Variants in TAF3 observed in about 807,000 individuals in gnomAD.
TAF3 encodes the protein TATA-box binding protein associated factor 3.
In TAF3, 7 loss-of-function variants were observed where a neutral mutation model predicts 80.6. The observed-to-expected ratio is 0.09, with a 90% CI of 0.05 to 0.16. TAF3 has a LOEUF of 0.16. TAF3 is among the 10% of genes least tolerant of loss of function. The pLI is 1.00. For missense variants in TAF3, 921 were observed against 1,140.2 expected, an observed-to-expected ratio of 0.81 and a Z score of 2.77; for synonymous variants, 444 against 446.1, an observed-to-expected ratio of 1.00 and a Z score of 0.06.
At chr10:7,941,419 A>T (rs540495379) in intron 2 of TAF3, among the ~76,000 whole-genome samples, 99 of 152,370 alleles carry the variant, frequency 6.5e-4, no homozygotes, top group African/African-American at 2.3e-3. Context: ...TTGTAACTGC[A>T]CATGAGGATG....
chr10:7,936,516 A>G (rs1462225241), intron 2 of TAF3, among the ~76,000 whole-genome samples: 3 of 151,186 alleles, frequency 2.0e-5, no homozygotes, highest in Non-Finnish European at 4.4e-5. Context: ...TTTTTTCTTA[A>G]TAGACTTTAT....
chr10:7,954,047 A>G (rs1174996909), intron 2 of TAF3, among the ~76,000 whole-genome samples: 2 of 141,810 alleles, frequency 1.4e-5, no homozygotes, highest in Non-Finnish European at 3.1e-5. Context: ...AGTGCACTCC[A>G]TAGGCGAATG....
chr10:7,818,633 CG>C lies in TAF3; in HGVS notation c.-73del. 1 of 1,498,278 alleles carries C rather than the reference CG, an allele frequency of 6.7e-7. No individual in the cohort carries two copies. The allele number at this position is 1,498,278 out of a possible 1,614,324, so 92.8% of individuals were successfully genotyped here. The stretch of plus-strand genomic sequence containing the variant: ...GCCGCGGAAGCCCTAGAGGATGAAT[CG>C]GGGACCCTGCTAAGGTCTGGCGGCG... On this transcript the variant is annotated 5_prime_UTR_variant, in exon 1 of 7. The change abolishes the stop of an existing upstream ORF in the 5' untranslated region. Transcript: ENST00000344293.
chr10:7,880,274 C>G (rs1837348246), intron 2 of TAF3, among the ~76,000 whole-genome samples: 2 of 152,130 alleles, frequency 1.3e-5, no homozygotes. Context: ...TAACTTACTC[C>G]TTAGACTTTT....
At chr10:8,013,676 TTTG>T in intron 5 of TAF3, 52 bp from the exon 6 acceptor site, 2 of 1,452,482 alleles carry the variant, frequency 1.4e-6, no homozygotes, top group Non-Finnish European at 1.9e-6. Context: ...CTGGCCTCTT[TTTG>T]TTTTTTTTCC....
rs747068876 is a variant in TAF3, at chr10:8,009,099, T to C, written c.2337T>C (p.Pro779=). 4.4e-6 allele frequency: 7 copies of C among 1,601,186 alleles called. No homozygotes were observed. In the South Asian group the frequency reaches 6.6e-5, roughly 15 times the overall value. ...QDKIVISKVV[P]APEAKPAPSQ... ...ACAGTGTCATCAGCAAGGTGGTCCC[T>C]GCCCCCGAGGCCAAGCCGGCGCCCT... The change falls in exon 5 of 7, where the codon CCT becomes CCC. Residue 779 remains proline, a synonymous_variant. Coordinates refer to ENST00000344293, the MANE Select transcript of TAF3 (RefSeq NM_031923.4). The surrounding 1 kb of genome is among the most constrained non-coding windows in gnomAD (Gnocchi z 4.1).
intron 4 of TAF3, among the ~76,000 whole-genome samples, chr10:8,008,040 A>G (rs1359537732): frequency 1.3e-5 from 2 of 151,162 alleles, no homozygotes; most frequent in Non-Finnish European, 1.5e-5. Context: ...CCAGGACAGA[A>G]GCTGCCGCTG....
chr10:7,954,657 A>G lies in TAF3; in HGVS notation c.410-9263A>G, dbSNP rs1035774451. Reference sequence around the variant, plus strand: ...CATAGTGAGATTCAGAGTGCACTCCATATGTGAATGAGTGGATTAGTCCTA... The same window carrying G: ...CATAGTGAGATTCAGAGTGCACTCCGTATGTGAATGAGTGGATTAGTCCTA... On this transcript the variant is annotated intron_variant, in intron 2 of 6. Transcript: ENST00000344293. Among the ~76,000 whole-genome samples the G allele has an allele frequency of 2.1e-5, 3 of 140,074 alleles. No individual in the cohort carries two copies. In the Admixed American group the frequency reaches 2.2e-4, roughly 10 times the overall value. 91.9% of individuals were successfully genotyped at this position (140,074 alleles called of 152,430 possible).
At chr10:7,854,547 G>T (rs527529205) in intron 2 of TAF3, among the ~76,000 whole-genome samples, 2 of 152,076 alleles carry the variant, frequency 1.3e-5, no homozygotes, top group Middle Eastern at 6.8e-3. Flanking sequence ...ACTTCTGTGA[G>T]GTAAAGCAAC....
chr10:8,008,301 G>GT (rs1832017007), intron 4 of TAF3, among the ~76,000 whole-genome samples: 1 of 151,998 alleles, frequency 6.6e-6, no homozygotes, highest in Admixed American at 6.6e-5. Flanking sequence ...GTTTCACCAT[G>GT]TTGGCCAGGC....
chr10:7,997,184 G>C (rs1831898075), intron 4 of TAF3, among the ~76,000 whole-genome samples: 1 of 152,186 alleles, frequency 6.6e-6, no homozygotes, highest in Non-Finnish European at 1.5e-5. Context: ...AAAATTCATG[G>C]AAGTGGTTGC....
chr10:7,926,434 G>A (rs4749362), intron 2 of TAF3, among the ~76,000 whole-genome samples: 53,898 of 151,880 alleles, frequency 0.35, 10,670 homozygotes, highest in Admixed American at 0.48. Flanking sequence ...TATCTGATTA[G>A]GAAAAAGTAT....
At chr10:7,868,286 G>C (rs1231222690) in intron 2 of TAF3, among the ~76,000 whole-genome samples, 1 of 152,220 alleles carries the variant, frequency 6.6e-6, no homozygotes, top group Non-Finnish European at 1.5e-5. Flanking sequence ...CCATTCAGGA[G>C]TGGAGGCAGT....
chr10:7,952,346 C>T (rs775341310), intron 2 of TAF3, among the ~76,000 whole-genome samples: 3 of 152,034 alleles, frequency 2.0e-5, no homozygotes, highest in South Asian at 4.1e-4. Flanking sequence ...GAGTGATTAA[C>T]GATAGCAATT....
chr10:7,975,152 G>T, intron 3 of TAF3: 1 of 245,716 alleles, frequency 4.1e-6, no homozygotes, highest in Non-Finnish European at 8.2e-6. Context: ...ATAAGCAGAT[G>T]ATAGAGAAAG....
chr10:8,011,202 G>T (rs1832052473), intron 5 of TAF3, among the ~76,000 whole-genome samples: 1 of 152,062 alleles, frequency 6.6e-6, no homozygotes, highest in South Asian at 2.1e-4. Flanking sequence ...GGCTGGGTAG[G>T]ACTCATGGTA....
intron 4 of TAF3, among the ~76,000 whole-genome samples, chr10:8,000,230 C>T (rs1413324573): frequency 6.6e-6 from 1 of 152,002 alleles, no homozygotes; most frequent in Admixed American, 6.5e-5. Context: ...GATTCTCTAG[C>T]CTCAGCCTCC....
intron 2 of TAF3, among the ~76,000 whole-genome samples, chr10:7,902,587 G>A (rs1241973929): frequency 6.6e-6 from 1 of 152,148 alleles, no homozygotes; most frequent in Non-Finnish European, 1.5e-5. Context: ...GTTACATCAG[G>A]AGGCGTATAA....
intron 2 of TAF3, among the ~76,000 whole-genome samples, chr10:7,947,795 G>T (rs1838040193): frequency 6.6e-6 from 1 of 152,160 alleles, no homozygotes; most frequent in South Asian, 2.1e-4. Flanking sequence ...AGCACTGGAG[G>T]CTTTTGAGCA....
Sources: gnomAD v4.1 joint callset for allele counts (sites outside exome capture counted in the v4.1 genomes callset) on GRCh38, gnomAD v4.1.1 for gene constraint, Gnocchi (gnomAD v3.1) non-coding constraint, MANE v1.5 for transcripts, NCBI Gene and HGNC (gene_info 2026-07-23, HGNC 2026-07-21) for gene names.